Variants in CD101 observed in about 807,000 individuals in gnomAD.
The protein encoded by CD101 is immunoglobulin superfamily member 2.
A neutral mutation model predicts 98.2 loss-of-function variants in CD101; 76 were observed. The ratio of observed to expected loss-of-function variants is 0.77; its 90% CI spans 0.64 to 0.94. CD101 has a LOEUF of 0.94. Ranked by LOEUF, CD101 falls within the 40% of genes least tolerant of loss-of-function variation. CD101 has a pLI of 0.00. For synonymous variants in CD101, 471 were observed against 472.7 expected (o/e 1.00, Z 0.05); for missense variants, 1,145 against 1,218.8 (o/e 0.94, Z 0.90).
At chr1:117,024,214 T>G (rs1463341950) in intron 7 of CD101, among the ~76,000 whole-genome samples, 1 of 152,218 alleles carries the variant, frequency 6.6e-6, no homozygotes, top group Non-Finnish European at 1.5e-5. Context: ...CAGTGGCTCA[T>G]GCCTATAATC....
At chr1:117,009,821 T>A (rs770791370) in intron 1 of CD101, 29 bp from the exon 2 acceptor site, 138 of 1,564,134 alleles carry the variant, frequency 8.8e-5, no homozygotes, top group Non-Finnish European at 1.2e-4. Flanking sequence ...AATCTCTTTT[T>A]ATTCCCCTTT....
At chr1:117,016,882 G>A (rs77021846) in intron 4 of CD101, among the ~76,000 whole-genome samples, 2,560 of 152,240 alleles carry the variant, frequency 0.017, 69 homozygotes, top group African/African-American at 0.059. Flanking sequence ...GTTTAAGGGT[G>A]AATACATCCT....
intron 1 of CD101, among the ~76,000 whole-genome samples, chr1:117,008,496 G>C (rs1198910980): frequency 6.6e-6 from 1 of 152,022 alleles, no homozygotes; most frequent in African/African-American, 2.4e-5. Context: ...AAATGTGTGT[G>C]GTTGGCTGAC....
chr1:117,027,191 C>T (rs35778242), intron 8 of CD101, among the ~76,000 whole-genome samples: 8 of 152,302 alleles, frequency 5.3e-5, no homozygotes, highest in Non-Finnish European at 7.3e-5. Context: ...CCTCCAAACC[C>T]GCTGCACATA....
intron 9 of CD101, among the ~76,000 whole-genome samples, chr1:117,034,812 T>C (rs1022957799): frequency 6.6e-6 from 1 of 152,200 alleles, no homozygotes; most frequent in Non-Finnish European, 1.5e-5. Flanking sequence ...TAAAAACTCA[T>C]GTAACAGTAC....
chr1:117,002,543 A>G (rs1373598006), intron 1 of CD101, among the ~76,000 whole-genome samples: 3 of 152,226 alleles, frequency 2.0e-5, no homozygotes, highest in Non-Finnish European at 4.4e-5. Flanking sequence ...TTCAAACCAG[A>G]TAGCAGGTAC....
rs2101131738 is a variant in CD101, at chr1:117,018,343, T to C, written c.1800T>C (p.Thr600=). 2 of 1,614,178 alleles carry C rather than the reference T, an allele frequency of 1.2e-6. No individual in the cohort carries two copies. Among genetic ancestry groups the C allele is most frequent in the Non-Finnish European group, 1.7e-6 (2 of 1,180,018 alleles). The change falls in exon 6 of 10, where the codon ACT becomes ACC. Residue 600 remains threonine, a synonymous_variant. Coordinates refer to ENST00000682167, the MANE Select transcript of CD101 (RefSeq NM_001256106.3). This position sits in a 1 kb window ranked among gnomAD's most constrained non-coding sequence, Gnocchi z 4.3. The part of the protein sequence containing the change: ...HQLIRITHNG[T]IEWGNFLSRF... Reference sequence around the variant, plus strand: ...TTATTCGAATCACCCACAATGGCACTATTGAATGGGGGAATTTCCTATCCC... The same window carrying C: ...TTATTCGAATCACCCACAATGGCACCATTGAATGGGGGAATTTCCTATCCC...
intron 4 of CD101, among the ~76,000 whole-genome samples, chr1:117,014,237 T>TA (rs897127619): frequency 4.8e-5 from 7 of 147,238 alleles, no homozygotes; most frequent in African/African-American, 1.8e-4. Flanking sequence ...GTGATATGAA[T>TA]AGGTTAAGAG....
At position 117,006,202 on chromosome 1, in the gene CD101, G is replaced by A. The variant is rs1652518260; in HGVS notation, c.44-3648G>A. Among the ~76,000 whole-genome samples, 1 of 151,970 alleles carries A rather than the reference G, an allele frequency of 6.6e-6. No homozygotes were observed. The highest frequency in any genetic ancestry group is 2.1e-4 in the South Asian group (1 of 4,810). On this transcript the variant is annotated intron_variant, in intron 1 of 9. Transcript: ENST00000682167. The surrounding 1 kb of genome is among the most constrained non-coding windows in gnomAD (Gnocchi z 4.4). Reference sequence around the variant, plus strand: ...ACCTCTCATCTCGCCATTTAACCCTGCTACTCCCAAGCATCCAACGCACTG... The same window carrying A: ...ACCTCTCATCTCGCCATTTAACCCTACTACTCCCAAGCATCCAACGCACTG...
At chr1:117,013,268 TACC>T in intron 3 of CD101, 135 bp from the exon 4 acceptor site, 1 of 1,052,730 alleles carries the variant, frequency 9.5e-7, no homozygotes, top group Non-Finnish European at 1.4e-6. Flanking sequence ...TTTTTGGGTT[TACC>T]TACCGCTATA....
At position 117,021,405 on chromosome 1, in the gene CD101, G is replaced by A. The variant is rs1653572303; in HGVS notation, c.2018-168G>A. Among the ~76,000 whole-genome samples, 1 of 152,228 alleles carries A rather than the reference G, an allele frequency of 6.6e-6. No homozygotes were observed. On this transcript the variant is annotated intron_variant, in intron 6 of 9. Transcript: ENST00000682167. The surrounding 1 kb of genome is among the most constrained non-coding windows in gnomAD (Gnocchi z 4.7). Reference sequence around the variant, plus strand: ...AGAGATGAAATGGGCTGCCTTGTCAGCTAGTGATGCTGTTCAAAAGCTGTA... The same window carrying A: ...AGAGATGAAATGGGCTGCCTTGTCAACTAGTGATGCTGTTCAAAAGCTGTA...
intron 8 of CD101, 162 bp downstream of exon 8, chr1:117,026,066 A>T: frequency 2.9e-6 from 2 of 685,400 alleles, no homozygotes; most frequent in South Asian, 4.4e-5. Context: ...GTCTCTCTCA[A>T]TAGTAACTCA....
chr1:117,002,535 C>T (rs1652291206), intron 1 of CD101, among the ~76,000 whole-genome samples: 3 of 152,128 alleles, frequency 2.0e-5, no homozygotes, highest in Admixed American at 1.3e-4. Context: ...GGAATAGTTT[C>T]AAACCAGATA....
chr1:117,025,437 C>G, intron 7 of CD101, 72 bp from the exon 8 acceptor site: 1 of 1,315,336 alleles, frequency 7.6e-7, no homozygotes, highest in South Asian at 1.5e-5. Context: ...CCAGTGAGAA[C>G]TAGATTTTTC....
chr1:117,022,010 AT>A lies in CD101; in HGVS notation c.2428+28del. The A allele has an allele frequency of 1.2e-5, 19 of 1,571,284 alleles. No homozygotes were observed. Among genetic ancestry groups the A allele is most frequent in the Non-Finnish European group, 1.6e-5 (19 of 1,161,086 alleles). On this transcript the variant is annotated intron_variant, in intron 7 of 9. Transcript: ENST00000682167. The surrounding 1 kb of genome is among the most constrained non-coding windows in gnomAD (Gnocchi z 4.8). ...TAAACCTTGCGAGTGTATCCTCACA[AT>A]GTCTGTCTGTCTGACGGCTGTTTTC...
intron 1 of CD101, among the ~76,000 whole-genome samples, chr1:117,003,412 C>G (rs1275696683): frequency 6.6e-6 from 1 of 152,210 alleles, no homozygotes; most frequent in African/African-American, 2.4e-5. Context: ...GGGGAAGTTA[C>G]TGGGACCACT....
In CD101 at chr1:117,011,887, G is replaced by A. The variant is rs1300579249; in HGVS notation, c.762G>A (p.Trp254Ter). ...AGCTGTTCTGTGAGGCAACGGAATG[G>A]ATTCAGGATCCAGATGAAACTTGGA... is the stretch of plus-strand genomic sequence containing the variant. ...QGQLFCEATEWIQDPDETWMF... is the reference protein window; with the variant it reads ...QGQLFCEATE Residue 254 changes from tryptophan to a stop codon, truncating the protein, a stop_gained, in exon 3 of 10, where the codon TGG (tryptophan) becomes TGA (stop). Coordinates refer to ENST00000682167, the MANE Select transcript of CD101 (RefSeq NM_001256106.3). LOFTEE classifies it high-confidence loss of function. 2 of 1,614,024 alleles carry A rather than the reference G, an allele frequency of 1.2e-6. No homozygotes were observed. The highest frequency in any genetic ancestry group is 4.5e-5 in the East Asian group (2 of 44,860).
intron 8 of CD101, among the ~76,000 whole-genome samples, chr1:117,029,390 A>G (rs1229139743): frequency 6.6e-6 from 1 of 152,214 alleles, no homozygotes; most frequent in Non-Finnish European, 1.5e-5. Flanking sequence ...TCAGTCCAAC[A>G]TCTCACCATG....
chr1:117,024,292 C>A (rs2101143057), intron 7 of CD101, among the ~76,000 whole-genome samples: 1 of 152,216 alleles, frequency 6.6e-6, no homozygotes, highest in Middle Eastern at 3.4e-3. Context: ...GCCTGGCCAA[C>A]ATGGTGAAAC....
Sources: allele counts gnomAD v4.1 joint callset (sites outside exome capture counted in the v4.1 genomes callset), GRCh38; gene constraint gnomAD v4.1.1; non-coding constraint Gnocchi (gnomAD v3.1); transcripts MANE v1.5; gene names NCBI Gene and HGNC (gene_info 2026-07-23, HGNC 2026-07-21).